Variants in SLCO3A1 observed in about 807,000 individuals in gnomAD.
SLCO3A1 encodes the protein PGE1 transporter.
A neutral mutation model predicts 63.1 loss-of-function variants in SLCO3A1; 27 were observed. The observed-to-expected ratio is 0.43, with a 90% CI of 0.32 to 0.59. The LOEUF (loss-of-function observed/expected upper bound fraction) is 0.59, where lower values mean the gene tolerates loss of function less well. Among genes scored for constraint, SLCO3A1 ranks in the 20% least tolerant of loss-of-function variants. The pLI, the probability that SLCO3A1 is intolerant of heterozygous loss-of-function variation, is 0.09. For synonymous variants in SLCO3A1, 473 were observed against 409.9 expected (o/e 1.15, Z -1.86); for missense variants, 773 against 945.8 (o/e 0.82, Z 2.40).
At chr15:92,041,454 C>T (rs1260268715) in intron 2 of SLCO3A1, among the ~76,000 whole-genome samples, 1 of 152,148 alleles carries the variant, frequency 6.6e-6, no homozygotes, top group Non-Finnish European at 1.5e-5. Context: ...AGCTAATATA[C>T]AGCAGAAGAC....
At chr15:91,884,936 G>A (rs1040879818) in intron 1 of SLCO3A1, among the ~76,000 whole-genome samples, 2 of 152,040 alleles carry the variant, frequency 1.3e-5, no homozygotes, top group African/African-American at 4.8e-5. Context: ...CCTAAAAACA[G>A]CTGGACCCCT....
In SLCO3A1 at chr15:91,894,735, G is replaced by A. The variant is rs1597097764; in HGVS notation, c.181-21258G>A. 6.6e-6 allele frequency among the ~76,000 whole-genome samples: 1 copy of A among 152,322 alleles called. No individual in the cohort carries two copies. The highest frequency in any genetic ancestry group is 1.9e-4 in the East Asian group (1 of 5,188). Reference sequence around the variant, plus strand: ...GTCTGAGATTTTTGAATTTCTAAAAGGCTCTCTGGTGATGTCAGCTACTCC... The same window carrying A: ...GTCTGAGATTTTTGAATTTCTAAAAAGCTCTCTGGTGATGTCAGCTACTCC... On this transcript the variant is annotated intron_variant, in intron 1 of 9. Transcript: ENST00000318445. This position sits in a 1 kb window ranked among gnomAD's most constrained non-coding sequence, Gnocchi z 4.8.
At chr15:92,025,397 T>C (rs753831150) in intron 2 of SLCO3A1, among the ~76,000 whole-genome samples, 4 of 152,170 alleles carry the variant, frequency 2.6e-5, no homozygotes, top group Non-Finnish European at 4.4e-5. Context: ...GGGGACACCA[T>C]AGGCACAAAA....
chr15:91,912,847 C>A lies in SLCO3A1; in HGVS notation c.181-3146C>A, dbSNP rs1045727708. Reference sequence around the variant, plus strand: ...ACTTCTGCATCCAGTCCCCTTTGGACCTCTCAAGACTCACACAAAGGCCTG... The same window carrying A: ...ACTTCTGCATCCAGTCCCCTTTGGAACTCTCAAGACTCACACAAAGGCCTG... On this transcript the variant is annotated intron_variant, in intron 1 of 9. Transcript: ENST00000318445. This position sits in a 1 kb window ranked among gnomAD's most constrained non-coding sequence, Gnocchi z 5.0. Among the ~76,000 whole-genome samples the A allele has an allele frequency of 1.3e-5, 2 of 152,164 alleles. No homozygotes were observed. Among genetic ancestry groups the A allele is most frequent in the African/African-American group, 4.8e-5 (2 of 41,428 alleles).
chr15:91,974,092 G>A (rs1414743482), intron 2 of SLCO3A1, among the ~76,000 whole-genome samples: 1 of 151,978 alleles, frequency 6.6e-6, no homozygotes, highest in Non-Finnish European at 1.5e-5. Context: ...AAGAAACCAG[G>A]CTGTGGACCC....
intron 2 of SLCO3A1, among the ~76,000 whole-genome samples, chr15:91,987,742 TAAAAA>T (rs35508138): frequency 7.2e-6 from 1 of 138,480 alleles, no homozygotes; most frequent in African/African-American, 2.7e-5. Flanking sequence ...AGACTTTGTC[TAAAAA>T]AAAAAAAAAA....
intron 7 of SLCO3A1, among the ~76,000 whole-genome samples, chr15:92,130,884 GCAAAAAAAAAAA>G (rs1202238067): frequency 2.8e-4 from 30 of 107,332 alleles, no homozygotes; most frequent in African/African-American, 1.1e-3. Context: ...CAAGTTCGGG[GCAAAAAAAAAAA>G]AAAAAAAAAA....
chr15:91,854,670 C>T lies in SLCO3A1; in HGVS notation c.180+582C>T, dbSNP rs1896868131. 6.6e-6 allele frequency among the ~76,000 whole-genome samples: 1 copy of T among 152,168 alleles called. No individual in the cohort carries two copies. Among genetic ancestry groups the T allele is most frequent in the African/African-American group, 2.4e-5 (1 of 41,428 alleles). On this transcript the variant is annotated intron_variant, in intron 1 of 9. Transcript: ENST00000318445. The surrounding 1 kb of genome is among the most constrained non-coding windows in gnomAD (Gnocchi z 6.4). ...GGGCTGCAGGGGGAATATTGCCACC[C>T]GGTATCCCTATAGCCCTCTTTGAGC... is the stretch of plus-strand genomic sequence containing the variant.
At chr15:91,893,389 T>A (rs77468807) in intron 1 of SLCO3A1, among the ~76,000 whole-genome samples, 1,682 of 152,236 alleles carry the variant, frequency 0.011, 32 homozygotes, top group African/African-American at 0.039. Flanking sequence ...TTCTCATAGT[T>A]ATGAAGGCTG....
At chr15:91,904,653 G>A (rs1178398461) in intron 1 of SLCO3A1, among the ~76,000 whole-genome samples, 1 of 152,136 alleles carries the variant, frequency 6.6e-6, no homozygotes, top group Non-Finnish European at 1.5e-5. Flanking sequence ...GGCAGGTCGG[G>A]GAAGGTGAGT....
At chr15:91,956,514 C>T (rs1210973427) in intron 2 of SLCO3A1, among the ~76,000 whole-genome samples, 1 of 152,092 alleles carries the variant, frequency 6.6e-6, no homozygotes, top group Non-Finnish European at 1.5e-5. Flanking sequence ...GGATAAATGG[C>T]TCATCTGGCA....
chr15:91,940,359 C>T (rs978332913), intron 2 of SLCO3A1, among the ~76,000 whole-genome samples: 7 of 152,172 alleles, frequency 4.6e-5, no homozygotes, highest in South Asian at 2.1e-4. Flanking sequence ...CTTCACAGCC[C>T]GTGAGACTCC....
intron 2 of SLCO3A1, among the ~76,000 whole-genome samples, chr15:91,927,603 A>G (rs1899076463): frequency 1.3e-5 from 2 of 152,202 alleles, no homozygotes; most frequent in Admixed American, 1.3e-4. Flanking sequence ...TTGGCGTTGC[A>G]CTCATTCTGA....
In SLCO3A1 at chr15:92,165,512, AAAG is replaced by A. The variant is rs202085965; in HGVS notation, c.*2380_*2382del. 2.2e-4 allele frequency: 210 copies of A among 956,880 alleles called. No individual in the cohort carries two copies. The highest frequency in any genetic ancestry group is 8.4e-4 in the East Asian group (7 of 8,342). 59.3% of individuals were successfully genotyped at this position (956,880 alleles called of 1,614,324 possible). A position where few individuals can be genotyped will look rare whatever the true frequency, so the allele number is the denominator to read the frequency against. On this transcript the variant is annotated 3_prime_UTR_variant, in exon 10 of 10. Coordinates refer to ENST00000318445, the MANE Select transcript of SLCO3A1 (RefSeq NM_013272.4). ...AACTATTTGCTTTGAGAGAAAAAAA[AAAG>A]AAAGTTTTTTAAACTCTTTGCATTT...
chr15:92,138,151 G>A (rs1276769302), intron 7 of SLCO3A1, among the ~76,000 whole-genome samples: 53 of 116,420 alleles, frequency 4.6e-4, no homozygotes, highest in Admixed American at 8.2e-4. Context: ...TGATTTTTGT[G>A]TAAGGTGTAA....
Position 91,854,753 on chromosome 15 carries a change from A to G in SLCO3A1, c.180+665A>G, listed in dbSNP as rs1193717623. Among the ~76,000 whole-genome samples the G allele has an allele frequency of 1.3e-5, 2 of 152,168 alleles. No homozygotes were observed. Among genetic ancestry groups the G allele is most frequent in the African/African-American group, 4.8e-5 (2 of 41,438 alleles). Reference sequence around the variant, plus strand: ...GCTGCGAGTTTGTGTAGTTCCTGCTATCCACTCTTAGTGCTAAATTCCCCA... The same window carrying G: ...GCTGCGAGTTTGTGTAGTTCCTGCTGTCCACTCTTAGTGCTAAATTCCCCA... On this transcript the variant is annotated intron_variant, in intron 1 of 9. Coordinates refer to ENST00000318445, the MANE Select transcript of SLCO3A1 (RefSeq NM_013272.4). This position sits in a 1 kb window ranked among gnomAD's most constrained non-coding sequence, Gnocchi z 6.4.
intron 2 of SLCO3A1, among the ~76,000 whole-genome samples, chr15:92,076,804 G>A (rs2047282948): frequency 6.6e-6 from 1 of 152,156 alleles, no homozygotes; most frequent in Admixed American, 6.5e-5. Flanking sequence ...AGCCTGTGAG[G>A]GTTTAAAATA....
Position 91,954,090 on chromosome 15 carries a change from G to C in SLCO3A1, c.646+37632G>C, listed in dbSNP as rs1900087319. Among the ~76,000 whole-genome samples, 1 of 152,212 alleles carries C rather than the reference G, an allele frequency of 6.6e-6. No individual in the cohort carries two copies. The highest frequency in any genetic ancestry group is 2.4e-5 in the African/African-American group (1 of 41,462). On this transcript the variant is annotated intron_variant, in intron 2 of 9. Transcript: ENST00000318445. This position sits in a 1 kb window ranked among gnomAD's most constrained non-coding sequence, Gnocchi z 4.7. ...TAGCCATGGGCGATGTCTTCACAGA[G>C]CATGTAGAAACCCCCACTCATGAGG...
At position 92,159,267 on chromosome 15, in the gene SLCO3A1, A is replaced by C. The variant is rs182332311; in HGVS notation, c.1754-3489A>C. On this transcript the variant is annotated intron_variant, in intron 9 of 9. Coordinates refer to ENST00000318445, the MANE Select transcript of SLCO3A1 (RefSeq NM_013272.4). Reference sequence around the variant, plus strand: ...TTTGGGAGGCTGAGGCAGGCAGATCACAAGGTCAAGAGATCGAGACCATCC... The same window carrying C: ...TTTGGGAGGCTGAGGCAGGCAGATCCCAAGGTCAAGAGATCGAGACCATCC... Among the ~76,000 whole-genome samples, 12 of 152,310 alleles carry C rather than the reference A, an allele frequency of 7.9e-5. No homozygotes were observed. In the East Asian group the frequency reaches 2.3e-3, roughly 29 times the overall value.
Sources: allele counts gnomAD v4.1 joint callset (sites outside exome capture counted in the v4.1 genomes callset), GRCh38; gene constraint gnomAD v4.1.1; non-coding constraint Gnocchi (gnomAD v3.1); transcripts MANE v1.5; gene names NCBI Gene and HGNC (gene_info 2026-07-23, HGNC 2026-07-21).